Variants in CLIC6 observed in about 807,000 individuals in gnomAD.
CLIC6 encodes the protein CLIC family member 6.
A neutral mutation model predicts 49.2 loss-of-function variants in CLIC6; 39 were observed. That is an observed-to-expected ratio of 0.79 (90% CI 0.61 to 1.04). The LOEUF is 1.04. CLIC6 is among the 50% of genes least tolerant of loss of function. CLIC6 has a pLI of 0.00. For missense variants in CLIC6, 988 were observed against 993.1 expected, an observed-to-expected ratio of 0.99 and a Z score of 0.07; for synonymous variants, 446 against 433.4, an observed-to-expected ratio of 1.03 and a Z score of -0.36.
Position 34,670,189 on chromosome 21 carries a change from G to A in CLIC6, c.801G>A (p.Gly267=). The A allele has an allele frequency of 1.1e-6, 1 of 887,544 alleles. No homozygotes were observed. The highest frequency in any genetic ancestry group is 1.5e-6 in the Non-Finnish European group (1 of 667,802). 55.0% of individuals were successfully genotyped at this position (887,544 alleles called of 1,614,324 possible). Reference sequence around the variant, plus strand: ...GCGTAGAAGCGGGGGTCCCGGCGGGGGACAGCGTAGAAGCCGAAGGCCCGG... The same window carrying A: ...GCGTAGAAGCGGGGGTCCCGGCGGGAGACAGCGTAGAAGCCGAAGGCCCGG... ...GDGVEAGVPA[G]DSVEAEGPAG... is the part of the protein sequence containing the mutation. The change falls in exon 1 of 6, where the codon GGG becomes GGA. Residue 267 remains glycine (G), a synonymous_variant. Transcript: ENST00000349499.
chr21:34,673,998 A>G (rs76299166), intron 1 of CLIC6, among the ~76,000 whole-genome samples: 2,598 of 152,330 alleles, frequency 0.017, 73 homozygotes, highest in African/African-American at 0.058. Context: ...AGCTGGGTTT[A>G]AAGGAAAGTA....
Position 34,670,587 on chromosome 21 carries a change from G to T in CLIC6, c.1199G>T (p.Gly400Val). 6.5e-7 allele frequency: 1 copy of T among 1,528,632 alleles called. No individual in the cohort carries two copies. The highest frequency in any genetic ancestry group is 8.8e-7 in the Non-Finnish European group (1 of 1,138,254). The allele number at this position is 1,528,632 out of a possible 1,614,324, so 94.7% of individuals were successfully genotyped here. A position where few individuals can be genotyped will look rare whatever the true frequency, so the allele number is the denominator to read the frequency against. ...EEESPDSSPH[G>V]EASRGAAEPE... is the part of the protein sequence containing the mutation. ...GAATCCCCCGACAGCAGCCCACATGGGGAGGCCTCCAGGGGCGCCGCGGAG... is the reference window on the plus strand; with the variant it reads ...GAATCCCCCGACAGCAGCCCACATGTGGAGGCCTCCAGGGGCGCCGCGGAG... The change falls in exon 1 of 6, where the codon GGG becomes GTG. Residue 400 changes from glycine (G) to valine (V), a missense_variant. Gly to Val is a moderately radical substitution (Grantham distance 109, BLOSUM62 -3). Around this residue, in one of 3 missense-constraint regions of CLIC6, gnomAD observed 647 missense variants for 596.9 expected, o/e 1.08. Coordinates refer to ENST00000349499, the MANE Select transcript of CLIC6 (RefSeq NM_053277.3).
In CLIC6 at chr21:34,707,927, T is replaced by C; in HGVS notation, c.1485-17T>C. 6.2e-7 allele frequency: 1 copy of C among 1,613,734 alleles called. No homozygotes were observed. Among genetic ancestry groups the C allele is most frequent in the Non-Finnish European group, 8.5e-7 (1 of 1,179,790 alleles). ...TCTCACGGTGGCCCATAAACACTGC[T>C]GTTTCCTCCCACCTAGGAAACCCGC... On this transcript the variant is annotated splice_polypyrimidine_tract_variant and intron_variant, in intron 2 of 5. Coordinates refer to ENST00000349499, the MANE Select transcript of CLIC6 (RefSeq NM_053277.3).
At chr21:34,685,107 C>G (rs1306477769) in intron 1 of CLIC6, among the ~76,000 whole-genome samples, 1 of 152,134 alleles carries the variant, frequency 6.6e-6, no homozygotes, top group African/African-American at 2.4e-5. Flanking sequence ...CTTTTATTTT[C>G]CTAGCTTTGG....
intron 1 of CLIC6, among the ~76,000 whole-genome samples, chr21:34,679,804 G>T (rs747028575): frequency 1.6e-5 from 2 of 128,268 alleles, no homozygotes; most frequent in Non-Finnish European, 3.3e-5. Context: ...CTCAATCCAA[G>T]TCACACTGAT....
In CLIC6 at chr21:34,706,101, A is replaced by G. The variant is rs926539885; in HGVS notation, c.1375-1179A>G. On this transcript the variant is annotated intron_variant, in intron 1 of 5. Transcript: ENST00000349499. ...TGAGAGTGGGTAATTTATAAAGAAAAGAGGCTGAATTGGCTCAAATGCTGC... is the reference window on the plus strand; with the variant it reads ...TGAGAGTGGGTAATTTATAAAGAAAGGAGGCTGAATTGGCTCAAATGCTGC... 1.8e-5 allele frequency: 12 copies of G among 677,384 alleles called. No homozygotes were observed. The East Asian group carries it at 3.3e-4, about 18-fold the overall frequency. The allele number at this position is 677,384 out of a possible 1,614,324, so 42.0% of individuals were successfully genotyped here.
rs1417200654 is a variant in CLIC6, at chr21:34,669,226, T to C, written c.-163T>C. 4.6e-5 allele frequency among the ~76,000 whole-genome samples: 7 copies of C among 152,138 alleles called. No individual in the cohort carries two copies. Among genetic ancestry groups the C allele is most frequent in the Non-Finnish European group, 8.8e-5 (6 of 68,002 alleles). ...CAAGCGGAGTTTGCCCTGCGGGTCC[T>C]GCGCAAGGCCCCAGTGCCCCGGCTA... On this transcript the variant is annotated 5_prime_UTR_variant, in exon 1 of 6. Transcript: ENST00000349499.
intron 5 of CLIC6, among the ~76,000 whole-genome samples, chr21:34,714,189 C>T (rs2056073145): frequency 6.6e-6 from 1 of 151,930 alleles, no homozygotes; most frequent in African/African-American, 2.4e-5. Context: ...AAGAACAGGC[C>T]CTAAACAGAG....
Position 34,670,039 on chromosome 21 carries a change from G to C in CLIC6, c.651G>C (p.Gly217=), listed in dbSNP as rs1320787221. ...GDNIQAEGPA[G]DSVDAEGRVG... is the part of the protein sequence containing the mutation. Reference sequence around the variant, plus strand: ...ACATACAAGCCGAGGGCCCGGCGGGGGACAGCGTAGACGCGGAGGGCCGGG... The same window carrying C: ...ACATACAAGCCGAGGGCCCGGCGGGCGACAGCGTAGACGCGGAGGGCCGGG... The change falls in exon 1 of 6, where the codon GGG becomes GGC. Residue 217 remains glycine (G), a synonymous_variant. Coordinates refer to ENST00000349499, the MANE Select transcript of CLIC6 (RefSeq NM_053277.3). 11 of 1,377,198 alleles carry C rather than the reference G, an allele frequency of 8.0e-6. No individual in the cohort carries two copies. The highest frequency in any genetic ancestry group is 7.9e-5 in the African/African-American group (5 of 63,582). The allele number at this position is 1,377,198 out of a possible 1,614,324, so 85.3% of individuals were successfully genotyped here. A position where few individuals can be genotyped will look rare whatever the true frequency, so the allele number is the denominator to read the frequency against.
chr21:34,702,282 G>A (rs991410500), intron 1 of CLIC6, among the ~76,000 whole-genome samples: 3 of 152,128 alleles, frequency 2.0e-5, no homozygotes, highest in African/African-American at 7.2e-5. Context: ...AAACCTGCCC[G>A]TGTCCCAGGA....
At chr21:34,690,136 T>C (rs1041240384) in intron 1 of CLIC6, among the ~76,000 whole-genome samples, 2 of 152,180 alleles carry the variant, frequency 1.3e-5, no homozygotes, top group African/African-American at 4.8e-5. Flanking sequence ...GACAGACCTC[T>C]TGATGGGTGA....
At chr21:34,705,899 G>A in intron 1 of CLIC6, 2 of 474,408 alleles carry the variant, frequency 4.2e-6, no homozygotes, top group Non-Finnish European at 7.5e-6. Context: ...CTGACCACTG[G>A]CATTGTATCA....
intron 1 of CLIC6, among the ~76,000 whole-genome samples, chr21:34,698,448 A>G (rs1394230474): frequency 6.6e-6 from 1 of 151,508 alleles, no homozygotes; most frequent in East Asian, 1.9e-4. Flanking sequence ...GAAGGGAAGG[A>G]AAGGGATGGA....
chr21:34,703,128 C>A (rs2055991386), intron 1 of CLIC6, among the ~76,000 whole-genome samples: 2 of 152,200 alleles, frequency 1.3e-5, no homozygotes, highest in Admixed American at 1.3e-4. Flanking sequence ...TGGCATCCTT[C>A]CCTGCACACG....
At chr21:34,693,547 C>T (rs1443540437) in intron 1 of CLIC6, among the ~76,000 whole-genome samples, 2 of 152,232 alleles carry the variant, frequency 1.3e-5, no homozygotes, top group Non-Finnish European at 2.9e-5. Context: ...CCTTCATCCT[C>T]TTGTGGTGAT....
chr21:34,674,780 T>A (rs1013559), intron 1 of CLIC6, among the ~76,000 whole-genome samples: 28,725 of 152,200 alleles, frequency 0.19, 2,880 homozygotes, highest in South Asian at 0.23. Flanking sequence ...TTCCTCATAA[T>A]AACAAAGGGT....
intron 5 of CLIC6, among the ~76,000 whole-genome samples, chr21:34,710,589 A>G (rs1450922969): frequency 6.6e-6 from 1 of 152,188 alleles, no homozygotes; most frequent in Non-Finnish European, 1.5e-5. Context: ...CAAGGCGGGC[A>G]GGTCACGAAG....
chr21:34,678,115 A>G (rs182138175), intron 1 of CLIC6, among the ~76,000 whole-genome samples: 290 of 134,534 alleles, frequency 2.2e-3, no homozygotes, highest in African/African-American at 7.9e-3. Context: ...AAAGCCCACA[A>G]TATTTATTAC....
At chr21:34,707,757 A>G (rs1168153603) in intron 2 of CLIC6, among the ~76,000 whole-genome samples, 187 bp from the exon 3 acceptor site, 7 of 152,152 alleles carry the variant, frequency 4.6e-5, no homozygotes, top group African/African-American at 1.7e-4. Context: ...GGGCACCTCA[A>G]CAAGCCCATC....
Sources: gnomAD v4.1 joint callset for allele counts (sites outside exome capture counted in the v4.1 genomes callset) on GRCh38, gnomAD v4.1.1 for gene constraint, gnomAD v4.1.1 regional missense constraint, MANE v1.5 for transcripts, NCBI Gene and HGNC (gene_info 2026-07-23, HGNC 2026-07-21) for gene names.